GTF2H1: variants seen among roughly 807,000 people sequenced by gnomAD.
The protein encoded by GTF2H1 is BTF2 p62.
Under a neutral mutation model 71.2 loss-of-function variants are expected in GTF2H1, and 16 were observed. That is an observed-to-expected ratio of 0.22 (90% CI 0.15 to 0.34). The LOEUF (loss-of-function observed/expected upper bound fraction) is 0.34, where lower values mean the gene tolerates loss of function less well. Among genes scored for constraint, GTF2H1 ranks in the 10% least tolerant of loss-of-function variants. The pLI is 1.00. For missense variants in GTF2H1, 498 were observed against 648.2 expected, an observed-to-expected ratio of 0.77 and a Z score of 2.52; for synonymous variants, 215 against 219.0, an observed-to-expected ratio of 0.98 and a Z score of 0.16.
rs1164634892 is a variant in GTF2H1 at position 18,365,846 on chromosome 11, C to T, written c.1624C>T (p.Arg542Trp). The change falls in exon 15 of 15, where the codon CGG (arginine) becomes TGG (tryptophan). Residue 542 changes from arginine to tryptophan, a missense_variant. Physicochemically the swap from Arg to Trp is moderately radical, Grantham distance 101 (BLOSUM62 -3). Coordinates refer to ENST00000265963, the MANE Select transcript of GTF2H1 (RefSeq NM_005316.4). ...AYNKLHTWQS[R>W]RLMKKT ...CAACAAGCTCCACACATGGCAGTCA[C>T]GGCGTCTGATGAAGAAAACGTGAGG... is the stretch of plus-strand genomic sequence containing the variant. 3 of 1,613,322 alleles carry T rather than the reference C, an allele frequency of 1.9e-6. No homozygotes were observed. The highest frequency in any genetic ancestry group is 1.1e-5 in the South Asian group (1 of 91,058).
intron 12 of GTF2H1, 77 bp downstream of exon 12, chr11:18,358,119 T>C (rs974944206): frequency 1.3e-5 from 12 of 924,432 alleles, no homozygotes; most frequent in Non-Finnish European, 2.1e-5. Context: ...TGCTGAACTT[T>C]TATTGGTTTT....
At chr11:18,329,862 CATGTT>C (rs1864854317) in intron 1 of GTF2H1, among the ~76,000 whole-genome samples, 1 of 152,268 alleles carries the variant, frequency 6.6e-6, no homozygotes, top group Admixed American at 6.5e-5. Context: ...TTTCAAAAAA[CATGTT>C]AAGCAAAAAA....
rs191989984 is a variant in GTF2H1 at position 18,322,602 on chromosome 11, C to T, written c.-154C>T. ...CAGCCAGCGATGGAGGCGAGACCCC[C>T]TAGTAACAGAGGCGGTGGCTACTGC... is the stretch of plus-strand genomic sequence containing the variant. On this transcript the variant is annotated 5_prime_UTR_variant, in exon 1 of 15. Transcript: ENST00000265963. The T allele has an allele frequency of 2.6e-5, 4 of 152,278 alleles. No individual in the cohort carries two copies. Among genetic ancestry groups the T allele is most frequent in the East Asian group, 1.9e-4 (1 of 5,190 alleles). The allele number at this position is 152,278 out of a possible 1,614,324, so 9.4% of individuals were successfully genotyped here.
chr11:18,352,565 C>A, intron 11 of GTF2H1, 119 bp downstream of exon 11: 1 of 497,424 alleles, frequency 2.0e-6, no homozygotes, highest in Non-Finnish European at 3.7e-6. Flanking sequence ...CATAGTTCTG[C>A]TAAATAAATT....
intron 14 of GTF2H1, among the ~76,000 whole-genome samples, chr11:18,361,126 A>G (rs923055472): frequency 2.6e-5 from 4 of 152,096 alleles, no homozygotes; most frequent in Non-Finnish European, 4.4e-5. Context: ...CTGTTGCTCA[A>G]AGTACTGTTT....
intron 9 of GTF2H1, chr11:18,348,755 A>AG (rs1865357833): frequency 6.6e-6 from 1 of 152,224 alleles, no homozygotes; most frequent in African/African-American, 2.4e-5. Context: ...ACACAAAAAA[A>AG]ATAGTTTGTG....
intron 7 of GTF2H1, among the ~76,000 whole-genome samples, chr11:18,342,252 C>CTTTTTT (rs71047585): frequency 2.8e-5 from 2 of 72,720 alleles, no homozygotes; most frequent in Admixed American, 2.1e-4. Flanking sequence ...TTTTCTGTCT[C>CTTTTTT]TTTTTTTTTT....
intron 11 of GTF2H1, among the ~76,000 whole-genome samples, chr11:18,355,624 G>C (rs139674805): frequency 2.2e-4 from 33 of 151,954 alleles, no homozygotes; most frequent in African/African-American, 7.5e-4. Context: ...TCTCACCTCA[G>C]CCCTCCAAGT....
chr11:18,345,653 G>A (rs528219238), intron 7 of GTF2H1, among the ~76,000 whole-genome samples: 153 of 151,840 alleles, frequency 1.0e-3, no homozygotes, highest in Non-Finnish European at 1.3e-3. Flanking sequence ...CACACACCAC[G>A]CCCAGCTAAT....
At chr11:18,324,469 G>A (rs548503315) in intron 1 of GTF2H1, among the ~76,000 whole-genome samples, 54 of 152,334 alleles carry the variant, frequency 3.5e-4, no homozygotes, top group African/African-American at 1.2e-3. Context: ...GTCCTGGGTT[G>A]TGAATGCTTC....
At chr11:18,356,310 G>A (rs1165515526) in intron 11 of GTF2H1, among the ~76,000 whole-genome samples, 2 of 151,158 alleles carry the variant, frequency 1.3e-5, no homozygotes, top group South Asian at 2.1e-4. Flanking sequence ...CCTGGGAGGC[G>A]GAGGTTGCAG....
At position 18,366,762 on chromosome 11, in the gene GTF2H1, T is replaced by C. The variant is rs772087219; in HGVS notation, c.*893T>C. 1 of 152,542 alleles carries C rather than the reference T, an allele frequency of 6.6e-6. No homozygotes were observed. The highest frequency in any genetic ancestry group is 1.5e-5 in the Non-Finnish European group (1 of 68,024). 9.4% of individuals were successfully genotyped at this position (152,542 alleles called of 1,614,324 possible). A position where few individuals can be genotyped will look rare whatever the true frequency, so the allele number is the denominator to read the frequency against. ...TTAAAAATCTTATGAGTGAGAAATATTAAAAAAATCTTATTTTCACCTCTT... is the reference window on the plus strand; with the variant it reads ...TTAAAAATCTTATGAGTGAGAAATACTAAAAAAATCTTATTTTCACCTCTT... On this transcript the variant is annotated 3_prime_UTR_variant, in exon 15 of 15. Coordinates refer to ENST00000265963, the MANE Select transcript of GTF2H1 (RefSeq NM_005316.4).
chr11:18,341,801 T>C (rs1865163240), intron 7 of GTF2H1, 194 bp downstream of exon 7: 1 of 464,614 alleles, frequency 2.2e-6, no homozygotes, highest in Admixed American at 4.0e-5. Flanking sequence ...ATGAAATTCC[T>C]GTGTGAGTTG....
Position 18,366,297 on chromosome 11 carries a change from C to T in GTF2H1, c.*428C>T, listed in dbSNP as rs916409925. The T allele has an allele frequency of 5.7e-5, 9 of 156,604 alleles. No homozygotes were observed. The highest frequency in any genetic ancestry group is 2.2e-4 in the African/African-American group (9 of 41,532). The allele number at this position is 156,604 out of a possible 1,614,324, so 9.7% of individuals were successfully genotyped here. A position where few individuals can be genotyped will look rare whatever the true frequency, so the allele number is the denominator to read the frequency against. ...TTTGGTTGTCGTTTTTTTCTGTGTA[C>T]ATTTTTTTCCTAAGTTTATGGCACA... On this transcript the variant is annotated 3_prime_UTR_variant, in exon 15 of 15. Transcript: ENST00000265963.
intron 7 of GTF2H1, among the ~76,000 whole-genome samples, chr11:18,345,499 CTTTT>C (rs772599660): frequency 7.4e-6 from 1 of 135,016 alleles, no homozygotes; most frequent in African/African-American, 2.7e-5. Flanking sequence ...GCATATGGAT[CTTTT>C]TTTTTTTTTT....
intron 1 of GTF2H1, among the ~76,000 whole-genome samples, chr11:18,328,543 TGCCAG>T (rs1397154684): frequency 7.7e-6 from 1 of 130,648 alleles, no homozygotes; most frequent in East Asian, 2.4e-4. Context: ...TATGGAATCA[TGCCAG>T]GCATGGTGGC....
At chr11:18,357,054 C>T (rs1033249579) in intron 11 of GTF2H1, among the ~76,000 whole-genome samples, 10 of 152,094 alleles carry the variant, frequency 6.6e-5, no homozygotes, top group African/African-American at 2.4e-4. Flanking sequence ...CCAATGTCCC[C>T]TTCACTCATG....
chr11:18,344,262 T>C (rs1317419692), intron 7 of GTF2H1, among the ~76,000 whole-genome samples: 1 of 152,186 alleles, frequency 6.6e-6, no homozygotes, highest in Non-Finnish European at 1.5e-5. Flanking sequence ...TTTGCTTGCC[T>C]TAGCCTTCTA....
intron 11 of GTF2H1, among the ~76,000 whole-genome samples, chr11:18,355,694 G>T (rs1173554365): frequency 2.0e-5 from 3 of 150,006 alleles, no homozygotes; most frequent in Non-Finnish European, 4.4e-5. Flanking sequence ...TTATATTTTT[G>T]TGTGTAGACA....
Sources: gnomAD v4.1 joint callset for allele counts (sites outside exome capture counted in the v4.1 genomes callset) on GRCh38, gnomAD v4.1.1 for gene constraint, MANE v1.5 for transcripts, NCBI Gene and HGNC (gene_info 2026-07-23, HGNC 2026-07-21) for gene names.